Variants in XKR6 observed in about 807,000 individuals in gnomAD.
XKR6 encodes XK-related protein 6.
Under a neutral mutation model 56.7 loss-of-function variants are expected in XKR6, and 22 were observed. The ratio of observed to expected loss-of-function variants is 0.39; its 90% CI spans 0.28 to 0.55. The LOEUF (loss-of-function observed/expected upper bound fraction) is 0.55. Among genes scored for constraint, XKR6 ranks in the 20% least tolerant of loss-of-function variants. XKR6 has a pLI of 0.66. For missense variants in XKR6, 852 were observed against 889.0 expected, an observed-to-expected ratio of 0.96 and a Z score of 0.53; for synonymous variants, 524 against 387.8, an observed-to-expected ratio of 1.35 and a Z score of -4.13.
chr8:11,079,894 G>C (rs527952647), intron 1 of XKR6, among the ~76,000 whole-genome samples: 1 of 152,242 alleles, frequency 6.6e-6, no homozygotes, highest in African/African-American at 2.4e-5. Flanking sequence ...TTGAACCCAG[G>C]AGTTCGAGGC....
chr8:11,156,695 T>C (rs1246126050), intron 1 of XKR6, among the ~76,000 whole-genome samples: 1 of 152,046 alleles, frequency 6.6e-6, no homozygotes, highest in African/African-American at 2.4e-5. Flanking sequence ...GACTGCACAG[T>C]GGTAAATCAA....
At chr8:10,913,885 AG>A (rs1800481062) in intron 2 of XKR6, among the ~76,000 whole-genome samples, 1 of 152,208 alleles carries the variant, frequency 6.6e-6, no homozygotes, top group Non-Finnish European at 1.5e-5. Flanking sequence ...ACGAGGCAGG[AG>A]GACCTGCGAC....
intron 1 of XKR6, among the ~76,000 whole-genome samples, chr8:11,060,370 T>C (rs1799799290): frequency 6.6e-6 from 1 of 152,196 alleles, no homozygotes; most frequent in Non-Finnish European, 1.5e-5. Context: ...CAGCCTGCAC[T>C]GCAGACCTTC....
intron 1 of XKR6, chr8:11,107,920 C>T (rs150486235): frequency 1.2e-3 from 314 of 254,232 alleles, no homozygotes; most frequent in African/African-American, 6.7e-3. Context: ...CTGCCTGGGA[C>T]GCCTCCCGCA....
chr8:10,945,006 T>A (rs922437256), intron 1 of XKR6, among the ~76,000 whole-genome samples: 10 of 152,304 alleles, frequency 6.6e-5, no homozygotes, highest in Non-Finnish European at 1.0e-4. Flanking sequence ...GATGTCGCCA[T>A]GCAGTCTTTC....
chr8:11,002,155 G>T (rs1382389942), intron 1 of XKR6, among the ~76,000 whole-genome samples: 1 of 151,350 alleles, frequency 6.6e-6, no homozygotes, highest in East Asian at 1.9e-4. Context: ...TTTGTCAAAG[G>T]CATCACCCTG....
At chr8:11,076,319 G>A (rs1054405283) in intron 1 of XKR6, among the ~76,000 whole-genome samples, 2 of 152,168 alleles carry the variant, frequency 1.3e-5, no homozygotes. Flanking sequence ...ACAACAAGGT[G>A]AATGTTCTTA....
rs143832952 is a variant in XKR6, at chr8:10,988,939, C to G, written c.765-64109G>C. On this transcript the variant is annotated intron_variant, in intron 1 of 2. Transcript: ENST00000416569. Reference sequence around the variant, plus strand: ...TCACAGTGTCTTAGGCAACTCACAGCAAAAGGCAGAGGACAGTATCCTGGA... The same window carrying G: ...TCACAGTGTCTTAGGCAACTCACAGGAAAAGGCAGAGGACAGTATCCTGGA... Among the ~76,000 whole-genome samples, 156 of 152,316 alleles carry G rather than the reference C, an allele frequency of 1.0e-3. 1 individual carries two copies. The highest frequency in any genetic ancestry group is 3.3e-3 in the African/African-American group (138 of 41,578).
intron 1 of XKR6, among the ~76,000 whole-genome samples, chr8:11,055,782 C>T (rs1343632000): frequency 6.6e-6 from 1 of 151,558 alleles, no homozygotes; most frequent in Non-Finnish European, 1.5e-5. Context: ...CACAGCGGGC[C>T]CCGAAGTCCA....
rs769644859 is a variant in XKR6, at chr8:10,910,500, C to T, written c.962-11584G>A. On this transcript the variant is annotated intron_variant, in intron 2 of 2. Coordinates refer to ENST00000416569, the MANE Select transcript of XKR6 (RefSeq NM_173683.4). ...TAGTTCCTAAAGAAAGAGCCACCAC[C>T]GCAATCTTCAGCACTGGTCCCAAAT... is the stretch of plus-strand genomic sequence containing the variant. 5.5e-4 allele frequency among the ~76,000 whole-genome samples: 83 copies of T among 152,254 alleles called. 1 individual carries two copies. The Middle Eastern group carries it at 0.01, about 19-fold the overall frequency.
intron 1 of XKR6, among the ~76,000 whole-genome samples, chr8:10,971,684 G>A (rs1241592097): frequency 1.3e-5 from 2 of 152,066 alleles, no homozygotes; most frequent in Non-Finnish European, 2.9e-5. Flanking sequence ...CATTTTCTCA[G>A]GACCATGGAA....
chr8:11,180,451 C>T (rs565261004), intron 1 of XKR6, among the ~76,000 whole-genome samples: 1 of 152,242 alleles, frequency 6.6e-6, no homozygotes, highest in Non-Finnish European at 1.5e-5. Flanking sequence ...GCCAGTAGCA[C>T]CCCTCCAGCT....
intron 1 of XKR6, among the ~76,000 whole-genome samples, chr8:11,008,391 C>T (rs1045751449): frequency 1.9e-4 from 28 of 150,914 alleles, no homozygotes; most frequent in Admixed American, 7.9e-4. Context: ...TCAGGCTGGA[C>T]GCATCCCCTA....
intron 1 of XKR6, among the ~76,000 whole-genome samples, chr8:10,954,272 A>T (rs1344617667): frequency 6.6e-6 from 1 of 152,208 alleles, no homozygotes; most frequent in African/African-American, 2.4e-5. Flanking sequence ...ACCATTTTGT[A>T]TTCCCACAAA....
chr8:11,033,550 A>T (rs1799059765), intron 1 of XKR6, among the ~76,000 whole-genome samples: 1 of 152,186 alleles, frequency 6.6e-6, no homozygotes, highest in African/African-American at 2.4e-5. Context: ...GAAGATCACG[A>T]TGACAATGAT....
intron 1 of XKR6, among the ~76,000 whole-genome samples, chr8:10,984,695 G>GCTCTCTCTCTCTCTCTCT (rs61138077): frequency 3.2e-4 from 18 of 56,330 alleles, no homozygotes; most frequent in South Asian, 7.7e-4. Context: ...AAAATACATG[G>GCTCTCTCTCTCTCTCTCT]CTCTCTCTCT....
At chr8:11,051,847 C>G (rs1303942712) in intron 1 of XKR6, among the ~76,000 whole-genome samples, 1 of 152,056 alleles carries the variant, frequency 6.6e-6, no homozygotes. Flanking sequence ...AAAAAAAACC[C>G]AAACAAACAA....
Position 11,188,836 on chromosome 8 carries a change from G to C in XKR6, c.764+11740C>G, listed in dbSNP as rs1803406208. 6.6e-5 allele frequency among the ~76,000 whole-genome samples: 10 copies of C among 152,144 alleles called. No individual in the cohort carries two copies. In the South Asian group the frequency reaches 1.9e-3, roughly 28 times the overall value. On this transcript the variant is annotated intron_variant, in intron 1 of 2. Coordinates refer to ENST00000416569, the MANE Select transcript of XKR6 (RefSeq NM_173683.4). ...ACCTCTGCCAGCCCAGCCTCTCCTA[G>C]GATTTCTGGCCCTGAGCTTCTCCGT...
intron 1 of XKR6, among the ~76,000 whole-genome samples, chr8:11,038,627 C>T (rs1799207746): frequency 6.6e-6 from 1 of 151,856 alleles, no homozygotes; most frequent in Non-Finnish European, 1.5e-5. Context: ...CTCAAACTAC[C>T]AGGCTCAGAT....
Sources: allele counts gnomAD v4.1 joint callset (sites outside exome capture counted in the v4.1 genomes callset), GRCh38; gene constraint gnomAD v4.1.1; transcripts MANE v1.5; gene names NCBI Gene and HGNC (gene_info 2026-07-23, HGNC 2026-07-21).